Variants in C11orf54 observed in about 807,000 individuals in gnomAD.
The protein encoded by C11orf54 is beta-keto L-gulonate decarboxylase.
C11orf54 carries 29 observed loss-of-function variants against 35.5 expected under a neutral mutation model. That is an observed-to-expected ratio of 0.82 (90% confidence interval 0.61 to 1.11). The LOEUF (loss-of-function observed/expected upper bound fraction) is 1.11. Among genes scored for constraint, C11orf54 ranks in the 50% most tolerant of loss-of-function variants. The pLI is 0.00. For synonymous variants in C11orf54, 108 were observed against 121.1 expected (o/e 0.89, Z 0.71); for missense variants, 373 against 369.2 (o/e 1.01, Z -0.08).
intron 1 of C11orf54, among the ~76,000 whole-genome samples, chr11:93,743,525 C>T (rs1942274172): frequency 6.6e-6 from 1 of 152,166 alleles, no homozygotes; most frequent in African/African-American, 2.4e-5. Flanking sequence ...TCACCCAGGC[C>T]TGCTGCGCTC....
intron 6 of C11orf54, among the ~76,000 whole-genome samples, chr11:93,756,649 TTC>T (rs1943173295): frequency 6.6e-6 from 1 of 152,312 alleles, no homozygotes; most frequent in Non-Finnish European, 1.5e-5. Flanking sequence ...ATTTGCTTCT[TTC>T]TGATGAATCA....
chr11:93,756,818 A>G (rs903196657), intron 6 of C11orf54, among the ~76,000 whole-genome samples: 1 of 152,180 alleles, frequency 6.6e-6, no homozygotes, highest in Non-Finnish European at 1.5e-5. Flanking sequence ...GGAAGTAGAG[A>G]TAGCCTCTTC....
chr11:93,743,556 G>T (rs117849353), intron 1 of C11orf54, among the ~76,000 whole-genome samples: 1 of 152,164 alleles, frequency 6.6e-6, no homozygotes, highest in African/African-American at 2.4e-5. Flanking sequence ...GGGAGGGTGC[G>T]TGGGGGTGAG....
chr11:93,742,073 T>G (rs1332928307), intron 1 of C11orf54: 1 of 153,818 alleles, frequency 6.5e-6, no homozygotes, highest in Non-Finnish European at 1.4e-5. Flanking sequence ...CCAGGTCTCC[T>G]CCCCACTTTT....
intron 8 of C11orf54, 144 bp from the exon 9 acceptor site, chr11:93,761,371 C>T (rs762479942): frequency 1.5e-6 from 1 of 670,230 alleles, no homozygotes; most frequent in Non-Finnish European, 2.4e-6. Flanking sequence ...CTGAATACAT[C>T]GTTTTGCCCC....
intron 6 of C11orf54, among the ~76,000 whole-genome samples, chr11:93,755,723 A>C (rs542242108): frequency 2.8e-4 from 41 of 146,760 alleles, no homozygotes; most frequent in African/African-American, 1.0e-3. Context: ...ACTACCCTCC[A>C]GTCTGGGCCA....
Position 93,764,709 on chromosome 11 carries a change from A to C in C11orf54, c.*3021A>C, listed in dbSNP as rs192374459. 2 of 152,070 alleles carry C rather than the reference A, an allele frequency of 1.3e-5. No individual in the cohort carries two copies. The highest frequency in any genetic ancestry group is 4.8e-5 in the African/African-American group (2 of 41,462). The allele number at this position is 152,070 out of a possible 1,614,324, so 9.4% of individuals were successfully genotyped here. A position where few individuals can be genotyped will look rare whatever the true frequency, so the allele number is the denominator to read the frequency against. ...GTGATCTGCCCGTCTCAGCCTCTCA[A>C]ATTGCTGGGATTACAGGCATGAGGC... On this transcript the variant is annotated 3_prime_UTR_variant, in exon 9 of 9. Transcript: ENST00000354421.
At chr11:93,741,780 G>T in intron 1 of C11orf54, 52 bp downstream of exon 1, 3 of 307,980 alleles carry the variant, frequency 9.7e-6, no homozygotes, top group Non-Finnish European at 1.9e-5. Context: ...CAAAACGTGC[G>T]GTCACTTGTG....
At position 93,741,720 on chromosome 11, in the gene C11orf54, A is replaced by AC. The variant is rs1942071104; in HGVS notation, c.-104dup. 2.8e-6 allele frequency: 1 copy of AC among 353,122 alleles called. No homozygotes were observed. The highest frequency in any genetic ancestry group is 5.6e-6 in the Non-Finnish European group (1 of 179,062). The allele number at this position is 353,122 out of a possible 1,614,324, so 21.9% of individuals were successfully genotyped here. A position where few individuals can be genotyped will look rare whatever the true frequency, so the allele number is the denominator to read the frequency against. On this transcript the variant is annotated 5_prime_UTR_variant, in exon 1 of 9. Transcript: ENST00000354421. ...GGACTCTGGGTGTTTTGCTACCGTG[A>AC]CCGTTTAGGTGAGTGGAATAGCCAA...
chr11:93,756,836 T>C (rs1943182830), intron 6 of C11orf54, among the ~76,000 whole-genome samples: 1 of 152,150 alleles, frequency 6.6e-6, no homozygotes, highest in Non-Finnish European at 1.5e-5. Context: ...TTCAGCTACT[T>C]TGAGATAAGA....
chr11:93,742,275 TC>T (rs757831929), intron 1 of C11orf54: 53 of 152,436 alleles, frequency 3.5e-4, no homozygotes, highest in Non-Finnish European at 6.0e-4. Context: ...GGGGTTTTTT[TC>T]TCCCAAAGTA....
chr11:93,755,344 A>T lies in C11orf54; in HGVS notation c.465A>T (p.Ala155=), dbSNP rs1220019003. ...AGAAATGTCATGATTTTCAGTGTGC[A>T]TTACTGGCTAATCTTTTTGCCAGTG... ...YSEKCHDFQC[A]LLANLFASEG... The change falls in exon 6 of 9, where the codon GCA becomes GCT. Residue 155 remains alanine (A), a synonymous_variant. Coordinates refer to ENST00000354421, the MANE Select transcript of C11orf54 (RefSeq NM_001286069.2). 6.2e-7 allele frequency: 1 copy of T among 1,614,232 alleles called. No individual in the cohort carries two copies. Among genetic ancestry groups the T allele is most frequent in the South Asian group, 1.1e-5 (1 of 91,078 alleles).
chr11:93,760,870 G>A (rs900855167), intron 8 of C11orf54, among the ~76,000 whole-genome samples: 2 of 151,942 alleles, frequency 1.3e-5, no homozygotes, highest in African/African-American at 4.8e-5. Flanking sequence ...TGTTGACCAG[G>A]CTGGTCTCGA....
At chr11:93,751,990 G>C (rs1192040908) in intron 3 of C11orf54, among the ~76,000 whole-genome samples, 1 of 151,676 alleles carries the variant, frequency 6.6e-6, no homozygotes, top group Non-Finnish European at 1.5e-5. Flanking sequence ...AGGATTACAG[G>C]TGTGCACCAC....
intron 2 of C11orf54, among the ~76,000 whole-genome samples, chr11:93,749,158 A>AC: frequency 6.6e-6 from 1 of 151,798 alleles, no homozygotes; most frequent in East Asian, 1.9e-4. Context: ...AAAAAAAAAA[A>AC]AAAAGACATT....
chr11:93,761,699 A>T lies in C11orf54; in HGVS notation c.*11A>T. The T allele has an allele frequency of 6.5e-7, 1 of 1,533,134 alleles. No homozygotes were observed. 95.0% of individuals were successfully genotyped at this position (1,533,134 alleles called of 1,614,324 possible). A position where few individuals can be genotyped will look rare whatever the true frequency, so the allele number is the denominator to read the frequency against. On this transcript the variant is annotated 3_prime_UTR_variant, in exon 9 of 9. Transcript: ENST00000354421. ...ATTGGGCGAGATTAAATCAGCTGAT[A>T]CTTATTTAGAAAAAGAAATAATTAA...
At chr11:93,756,428 G>A (rs960713545) in intron 6 of C11orf54, among the ~76,000 whole-genome samples, 2 of 150,154 alleles carry the variant, frequency 1.3e-5, no homozygotes, top group South Asian at 2.1e-4. Flanking sequence ...AGGTGTTTGA[G>A]GCCGCAACGA....
intron 1 of C11orf54, among the ~76,000 whole-genome samples, chr11:93,743,644 G>A (rs1043685824): frequency 2.0e-5 from 3 of 152,188 alleles, no homozygotes; most frequent in Admixed American, 6.5e-5. Flanking sequence ...CTGTGTCTAG[G>A]GGATGCCCGC....
chr11:93,759,421 C>T (rs1256315038), intron 7 of C11orf54, among the ~76,000 whole-genome samples: 2 of 152,120 alleles, frequency 1.3e-5, no homozygotes, highest in Non-Finnish European at 2.9e-5. Flanking sequence ...CCCATGTTCT[C>T]ACTCATAAGT....
Sources: allele counts gnomAD v4.1 joint callset (sites outside exome capture counted in the v4.1 genomes callset), GRCh38; gene constraint gnomAD v4.1.1; transcripts MANE v1.5; gene names NCBI Gene and HGNC (gene_info 2026-07-23, HGNC 2026-07-21).